The following TOX3 variants were observed in gnomAD, a reference collection of about 807,000 sequenced individuals.
TOX3 encodes the protein TOX high mobility group box family member 3.
In TOX3, 22 loss-of-function variants were observed where a neutral mutation model predicts 64.3. That is an observed-to-expected ratio of 0.34 (90% CI 0.24 to 0.49). The LOEUF is 0.49. Ranked by LOEUF, TOX3 falls within the 20% of genes least tolerant of loss-of-function variation. TOX3 has a pLI of 0.99. For missense variants in TOX3, 661 were observed against 714.4 expected (o/e 0.93, Z 0.85); for synonymous variants, 291 against 273.6 (o/e 1.06, Z -0.63).
intron 1 of TOX3, among the ~76,000 whole-genome samples, chr16:52,541,147 C>T (rs1344453916): frequency 1.3e-5 from 2 of 152,058 alleles, no homozygotes; most frequent in Non-Finnish European, 2.9e-5. Flanking sequence ...AGTCCAAAAG[C>T]CTGTGTTATA....
At chr16:52,489,404 A>C (rs564245679) in intron 1 of TOX3, among the ~76,000 whole-genome samples, 2 of 152,322 alleles carry the variant, frequency 1.3e-5, no homozygotes, top group Middle Eastern at 6.8e-3. Context: ...GTGATCATTA[A>C]GTCTACTGTG....
At chr16:52,493,270 C>T (rs1050287301) in intron 1 of TOX3, among the ~76,000 whole-genome samples, 2 of 152,160 alleles carry the variant, frequency 1.3e-5, no homozygotes, top group Non-Finnish European at 2.9e-5. Flanking sequence ...CACGCATATA[C>T]CTATATGCAT....
chr16:52,512,862 T>A (rs1251657554), intron 1 of TOX3, among the ~76,000 whole-genome samples: 1 of 152,116 alleles, frequency 6.6e-6, no homozygotes, highest in East Asian at 1.9e-4. Context: ...ACAAAGTGAA[T>A]GCCAAGAAGT....
intron 1 of TOX3, among the ~76,000 whole-genome samples, chr16:52,482,546 G>A (rs950315006): frequency 6.6e-6 from 1 of 152,094 alleles, no homozygotes; most frequent in Non-Finnish European, 1.5e-5. Flanking sequence ...ATATCAGTTA[G>A]GGTGCATTTT....
intron 1 of TOX3, among the ~76,000 whole-genome samples, chr16:52,527,630 G>A (rs965888819): frequency 2.0e-5 from 3 of 152,182 alleles, no homozygotes; most frequent in African/African-American, 4.8e-5. Flanking sequence ...CCTGATCCAG[G>A]AGCCTCCTTC....
At chr16:52,507,161 A>T (rs942833676) in intron 1 of TOX3, among the ~76,000 whole-genome samples, 1 of 152,226 alleles carries the variant, frequency 6.6e-6, no homozygotes, top group Non-Finnish European at 1.5e-5. Flanking sequence ...TCTCAGATTA[A>T]CAATTGATTC....
chr16:52,450,483 C>G lies in TOX3; in HGVS notation c.472G>C (p.Val158Leu). ...GAACGCGCAGCATCGGTCATGTGGA[C>G]GATGGACCGCATGATCAGGGAGGGA... ...QDPSLIMRSI[V>L]HMTDAARSGV... is the part of the protein sequence containing the mutation. The change falls in exon 4 of 7, where the codon GTC (valine) becomes CTC (leucine). Residue 158 changes from valine to leucine, a missense_variant. Val to Leu is a conservative substitution (Grantham distance 32). This residue lies in a region of TOX3 where 259 missense variants were observed against 261.2 expected (regional missense o/e 0.99). Coordinates refer to ENST00000219746, the MANE Select transcript of TOX3 (RefSeq NM_001080430.4). The G allele has an allele frequency of 6.2e-7, 1 of 1,613,980 alleles. No homozygotes were observed. Among genetic ancestry groups the G allele is most frequent in the Non-Finnish European group, 8.5e-7 (1 of 1,179,882 alleles).
rs1346499652 is a variant in TOX3 at position 52,490,380 on chromosome 16, G to T, written c.88-21806C>A. Among the ~76,000 whole-genome samples the T allele has an allele frequency of 2.0e-5, 3 of 152,062 alleles. No homozygotes were observed. The East Asian group carries it at 5.8e-4, about 29-fold the overall frequency. On this transcript the variant is annotated intron_variant, in intron 1 of 6. Transcript: ENST00000219746. Reference sequence around the variant, plus strand: ...TTCTTCATAAATTACCCAGCCTCATGTAGTTCTTTATAGCAGTGTGAGAAT... The same window carrying T: ...TTCTTCATAAATTACCCAGCCTCATTTAGTTCTTTATAGCAGTGTGAGAAT...
intron 4 of TOX3, among the ~76,000 whole-genome samples, chr16:52,448,120 A>G (rs1427611655): frequency 6.6e-6 from 1 of 152,256 alleles, no homozygotes; most frequent in Non-Finnish European, 1.5e-5. Context: ...ACAAAAATTC[A>G]GAATTAATTC....
At chr16:52,452,676 T>C (rs1960387367) in intron 3 of TOX3, among the ~76,000 whole-genome samples, 1 of 78,054 alleles carries the variant, frequency 1.3e-5, no homozygotes, top group Non-Finnish European at 2.4e-5. Flanking sequence ...ACTTAAAGTA[T>C]AATAATAATA....
chr16:52,517,029 T>C (rs1962477082), intron 1 of TOX3, among the ~76,000 whole-genome samples: 1 of 152,050 alleles, frequency 6.6e-6, no homozygotes, highest in Admixed American at 6.5e-5. Flanking sequence ...AAGAAAACAC[T>C]ATAAAGTATG....
chr16:52,492,482 TATATA>T (rs907367442), intron 1 of TOX3, among the ~76,000 whole-genome samples: 14 of 112,860 alleles, frequency 1.2e-4, no homozygotes, highest in East Asian at 2.8e-4. Flanking sequence ...CCAATTTATA[TATATA>T]ATATATGATA....
chr16:52,445,967 T>C, intron 5 of TOX3, 27 bp downstream of exon 5: 1 of 1,594,386 alleles, frequency 6.3e-7, no homozygotes, highest in Non-Finnish European at 8.6e-7. Context: ...GGTTTATTGA[T>C]GGAGCCTTGA....
rs186170364 is a variant in TOX3, at chr16:52,441,291, C to T, written c.988-1323G>A. The stretch of plus-strand genomic sequence containing the variant: ...ATAAGAAAACCATTATTGGTTTCCT[C>T]AGAGATACCAAATTGAAGTTTTCAC... On this transcript the variant is annotated intron_variant, in intron 6 of 6. Coordinates refer to ENST00000219746, the MANE Select transcript of TOX3 (RefSeq NM_001080430.4). Among the ~76,000 whole-genome samples the T allele has an allele frequency of 4.0e-3, 611 of 152,302 alleles. 5 individuals are homozygous for T. Among genetic ancestry groups the T allele is most frequent in the Non-Finnish European group, 7.0e-3 (478 of 68,022 alleles).
At chr16:52,538,804 A>G (rs1044713666) in intron 1 of TOX3, among the ~76,000 whole-genome samples, 1 of 152,206 alleles carries the variant, frequency 6.6e-6, no homozygotes, top group Non-Finnish European at 1.5e-5. Context: ...AGCATGAAAC[A>G]TATTTAAGAG....
intron 1 of TOX3, among the ~76,000 whole-genome samples, chr16:52,519,833 G>A (rs1031000468): frequency 1.2e-4 from 18 of 151,896 alleles, no homozygotes; most frequent in South Asian, 4.2e-4. Flanking sequence ...AGGGTGGCAC[G>A]CATCCACAGT....
At chr16:52,448,397 T>A (rs1269554153) in intron 4 of TOX3, among the ~76,000 whole-genome samples, 2 of 152,234 alleles carry the variant, frequency 1.3e-5, no homozygotes, top group East Asian at 3.9e-4. Flanking sequence ...TCAGCGGACG[T>A]GTGATTGGAG....
At chr16:52,504,132 G>A (rs1388025119) in intron 1 of TOX3, among the ~76,000 whole-genome samples, 2 of 152,152 alleles carry the variant, frequency 1.3e-5, no homozygotes, top group Non-Finnish European at 2.9e-5. Flanking sequence ...TTTCTGTGTT[G>A]GGAGAGGATA....
chr16:52,521,181 G>C (rs1014812133), intron 1 of TOX3, among the ~76,000 whole-genome samples: 2 of 151,996 alleles, frequency 1.3e-5, no homozygotes, highest in Non-Finnish European at 2.9e-5. Context: ...AGACATATTC[G>C]CACCAAACTG....
Sources: gnomAD v4.1 joint callset for allele counts (sites outside exome capture counted in the v4.1 genomes callset) on GRCh38, gnomAD v4.1.1 for gene constraint, gnomAD v4.1.1 regional missense constraint, MANE v1.5 for transcripts, NCBI Gene and HGNC (gene_info 2026-07-23, HGNC 2026-07-21) for gene names.